The following LRRIQ1 variants were observed in gnomAD, a reference collection of about 807,000 sequenced individuals.
The protein encoded by LRRIQ1 is leucine-rich repeat- and IQ domain-containing protein 1.
LRRIQ1 carries 210 observed loss-of-function variants against 211.9 expected under a neutral mutation model. The ratio of observed to expected loss-of-function variants is 0.99; its 90% CI spans 0.89 to 1.11. The LOEUF (loss-of-function observed/expected upper bound fraction) is 1.11, where lower values mean the gene tolerates loss of function less well. Among genes scored for constraint, LRRIQ1 ranks in the 50% most tolerant of loss-of-function variants. The pLI, the probability that LRRIQ1 is intolerant of heterozygous loss-of-function variation, is 0.00. For missense variants in LRRIQ1, 2,136 were observed against 1,939.5 expected (o/e 1.10, Z -1.90); for synonymous variants, 699 against 650.1 (o/e 1.08, Z -1.14).
intron 26 of LRRIQ1, among the ~76,000 whole-genome samples, chr12:85,243,685 A>G (rs1895577152): frequency 6.6e-6 from 1 of 151,564 alleles, no homozygotes; most frequent in Non-Finnish European, 1.5e-5. Context: ...AAGACCAAAT[A>G]AACAGGGAAA....
rs572834614 is a variant in LRRIQ1 at position 85,261,150 on chromosome 12, T to C, written c.122-1765T>C. 5.5e-4 allele frequency among the ~76,000 whole-genome samples: 83 copies of C among 152,290 alleles called. 3 individuals carry two copies. The Middle Eastern group carries it at 0.014, about 25-fold the overall frequency. On this transcript the variant is annotated intron_variant, in intron 1 of 1. Transcript: ENST00000602731. ...AGCCATGATCTGTCTCTAGCTCCGT[T>C]ACAGACTAGTGTCTGTAGACATGAG...
In LRRIQ1 at chr12:85,057,152, C is replaced by A. The variant is rs868748671; in HGVS notation, c.2359C>A (p.Leu787Ile). Residue 787 changes from leucine to isoleucine, a missense_variant, in exon 8 of 27, where the codon CTT (leucine) becomes ATT (isoleucine). Transcript: ENST00000393217. ...MTPALDKLEI[L>I]RCGPWDTLQQ... The stretch of plus-strand genomic sequence containing the variant: ...ACCCGCTTTGGATAAACTGGAAATT[C>A]TTCGATGTGGCCCTTGGGATACTTT... The A allele has an allele frequency of 6.4e-7, 1 of 1,560,544 alleles. No individual in the cohort carries two copies. Among genetic ancestry groups the A allele is most frequent in the Non-Finnish European group, 8.6e-7 (1 of 1,159,824 alleles).
At chr12:85,132,751 G>A (rs973472321) in intron 18 of LRRIQ1, among the ~76,000 whole-genome samples, 1 of 151,296 alleles carries the variant, frequency 6.6e-6, no homozygotes, top group Non-Finnish European at 1.5e-5. Flanking sequence ...GAAAGAGTGA[G>A]ACCCTGTCTC....
At chr12:85,086,614 C>CTTT (rs71309514) in intron 11 of LRRIQ1, among the ~76,000 whole-genome samples, 71 of 147,598 alleles carry the variant, frequency 4.8e-4, no homozygotes, top group Non-Finnish European at 6.1e-4. Flanking sequence ...TATTTCTTTT[C>CTTT]TTTTTTTTTT....
chr12:85,069,626 T>A (rs9669802), intron 10 of LRRIQ1, among the ~76,000 whole-genome samples: 3 of 151,356 alleles, frequency 2.0e-5, no homozygotes, highest in African/African-American at 4.8e-5. Flanking sequence ...TTTTAATGAT[T>A]GCCATTCTAA....
At chr12:85,271,567 C>A in the LRRIQ1 span, among the ~76,000 whole-genome samples, 1 of 152,028 alleles carries the variant, frequency 6.6e-6, no homozygotes, top group South Asian at 2.1e-4. Flanking sequence ...TTCCAGAGCT[C>A]TTCTTAATTC....
intron 19 of LRRIQ1, among the ~76,000 whole-genome samples, chr12:85,144,763 T>C (rs1889775872): frequency 6.6e-6 from 1 of 151,638 alleles, no homozygotes; most frequent in South Asian, 2.1e-4. Flanking sequence ...AATGTTATTA[T>C]TGGGTTTCAA....
intron 1 of LRRIQ1, among the ~76,000 whole-genome samples, chr12:85,259,873 A>T (rs1303955224): frequency 6.6e-6 from 1 of 152,110 alleles, no homozygotes; most frequent in African/African-American, 2.4e-5. Context: ...TTAAAGATTC[A>T]TCAGCAGCTT....
At chr12:85,081,723 CTTTTTTT>C (rs766961193) in intron 11 of LRRIQ1, among the ~76,000 whole-genome samples, 1 of 113,438 alleles carries the variant, frequency 8.8e-6, no homozygotes, top group Non-Finnish European at 1.7e-5. Context: ...TCTTCTTCTT[CTTTTTTT>C]TTTTTTTTTT....
chr12:85,124,277 A>G lies in LRRIQ1; in HGVS notation c.3765A>G (p.Glu1255=). ...GAGTCTTCTACTCTTGTGCACGTGA[A>G]GGTGAGCCAGACTCACCAGATATTC... is the stretch of plus-strand genomic sequence containing the variant. The part of the protein sequence containing the change: ...QNGVFYSCAR[E]GEPDSPDIPE... Residue 1255 remains glutamate, a synonymous_variant, in exon 17 of 27, where the codon GAA becomes GAG. Transcript: ENST00000393217. The G allele has an allele frequency of 6.2e-7, 1 of 1,614,136 alleles. No individual in the cohort carries two copies. Among genetic ancestry groups the G allele is most frequent in the Non-Finnish European group, 8.5e-7 (1 of 1,180,014 alleles).
chr12:85,167,525 G>T (rs549629701), intron 24 of LRRIQ1, among the ~76,000 whole-genome samples: 1 of 152,246 alleles, frequency 6.6e-6, no homozygotes, highest in Admixed American at 6.5e-5. Flanking sequence ...CAATGTTCTA[G>T]GGCAGGAAGC....
At chr12:85,260,342 T>C (rs1166712381) in intron 1 of LRRIQ1, among the ~76,000 whole-genome samples, 1 of 151,764 alleles carries the variant, frequency 6.6e-6, no homozygotes, top group Non-Finnish European at 1.5e-5. Context: ...AAGAAAACCC[T>C]GAAGACATCT....
chr12:85,232,618 T>C, intron 25 of LRRIQ1, 78 bp from the exon 26 acceptor site: 1 of 1,168,742 alleles, frequency 8.6e-7, no homozygotes, highest in Non-Finnish European at 1.2e-6. Flanking sequence ...TCTCTCAAGC[T>C]TTTTAGTTGG....
chr12:85,075,048 T>G (rs1017818356), intron 11 of LRRIQ1, among the ~76,000 whole-genome samples: 3 of 152,242 alleles, frequency 2.0e-5, no homozygotes, highest in East Asian at 3.9e-4. Flanking sequence ...AAAATACAAT[T>G]AAGTGTTATA....
chr12:85,256,123 A>C (rs36010388), intron 1 of LRRIQ1, among the ~76,000 whole-genome samples: 1 of 151,662 alleles, frequency 6.6e-6, no homozygotes, highest in Non-Finnish European at 1.5e-5. Flanking sequence ...CGGAGCTAAG[A>C]CAGTAGCTAG....
intron 19 of LRRIQ1, among the ~76,000 whole-genome samples, chr12:85,139,928 C>G (rs1348112451): frequency 6.6e-6 from 1 of 151,214 alleles, no homozygotes. Context: ...TCTCTCAAAT[C>G]TTAAATGCTC....
chr12:85,154,215 C>T, intron 23 of LRRIQ1, 121 bp downstream of exon 23: 1 of 431,964 alleles, frequency 2.3e-6, no homozygotes, highest in Non-Finnish European at 3.9e-6. Context: ...ATGACTATGT[C>T]TAAGATACTC....
intron 24 of LRRIQ1, among the ~76,000 whole-genome samples, chr12:85,161,778 C>T (rs750656440): frequency 5.9e-5 from 9 of 152,140 alleles, no homozygotes; most frequent in East Asian, 1.9e-4. Context: ...TGATGGCTCA[C>T]GCCTGTAATC....
At chr12:85,067,282 A>G (rs1176766446) in intron 10 of LRRIQ1, among the ~76,000 whole-genome samples, 1 of 151,876 alleles carries the variant, frequency 6.6e-6, no homozygotes, top group Admixed American at 6.6e-5. Context: ...CACCACTCTC[A>G]TTAGCTACAT....
Sources: allele counts gnomAD v4.1 joint callset (sites outside exome capture counted in the v4.1 genomes callset), GRCh38; gene constraint gnomAD v4.1.1; transcripts MANE v1.5; gene names NCBI Gene and HGNC (gene_info 2026-07-23, HGNC 2026-07-21).